IL1RAPL2: variants seen among roughly 807,000 people sequenced by gnomAD.
IL1RAPL2 encodes the protein X-linked interleukin-1 receptor accessory protein-like 2.
Under a neutral mutation model 44.1 loss-of-function variants are expected in IL1RAPL2, and 3 were observed. The observed-to-expected ratio is 0.07, with a 90% CI of 0.03 to 0.18. IL1RAPL2 has a LOEUF of 0.18. Ranked by LOEUF, IL1RAPL2 falls within the 10% of genes least tolerant of loss-of-function variation. The pLI is 1.00. For synonymous variants in IL1RAPL2, 181 were observed against 178.8 expected (o/e 1.01, Z -0.10); for missense variants, 391 against 496.4 (o/e 0.79, Z 2.02).
At chrX:105,014,582 G>T (rs546592743) in intron 2 of IL1RAPL2, among the ~76,000 whole-genome samples, 44 of 111,788 alleles carry the variant, frequency 3.9e-4, no homozygotes, top group African/African-American at 1.4e-3. Flanking sequence ...TTCTGTTCTT[G>T]TGTTAGTTTG....
chrX:104,782,589 G>C (rs1932780349), intron 2 of IL1RAPL2, among the ~76,000 whole-genome samples: 1 of 111,373 alleles, frequency 9.0e-6, no homozygotes, highest in Non-Finnish European at 1.9e-5. Flanking sequence ...TTATAATATT[G>C]ATAACCTGAA....
At chrX:104,574,000 TATAA>T (rs889015097) in intron 1 of IL1RAPL2, among the ~76,000 whole-genome samples, 23 of 111,698 alleles carry the variant, frequency 2.1e-4, no homozygotes, top group Non-Finnish European at 3.6e-4. Context: ...TAAAAAAAAC[TATAA>T]AGACACTCAA....
chrX:105,227,376 G>A (rs1328986065), intron 3 of IL1RAPL2, among the ~76,000 whole-genome samples: 1 of 111,184 alleles, frequency 9.0e-6, no homozygotes, highest in Non-Finnish European at 1.9e-5. Flanking sequence ...ATGAATGATG[G>A]CATTCTTTGT....
At chrX:104,752,242 T>C (rs765547392) in intron 2 of IL1RAPL2, among the ~76,000 whole-genome samples, 12 of 109,425 alleles carry the variant, frequency 1.1e-4, no homozygotes, top group Non-Finnish European at 2.1e-4. Flanking sequence ...CCATTTAAAA[T>C]AATGTTGTTT....
intron 5 of IL1RAPL2, among the ~76,000 whole-genome samples, chrX:105,339,156 C>A (rs892480015): frequency 6.3e-5 from 7 of 111,825 alleles, no homozygotes; most frequent in African/African-American, 2.3e-4. Flanking sequence ...GTACAGCAAA[C>A]TGACATGTGG....
intron 3 of IL1RAPL2, among the ~76,000 whole-genome samples, chrX:105,209,495 C>T (rs782052572): frequency 1.6e-4 from 18 of 111,243 alleles, no homozygotes; most frequent in Non-Finnish European, 3.0e-4. Context: ...AGGCATTGGT[C>T]CCCATGAAAT....
intron 5 of IL1RAPL2, among the ~76,000 whole-genome samples, chrX:105,358,533 T>C (rs980170517): frequency 2.8e-5 from 3 of 108,586 alleles, no homozygotes; most frequent in Admixed American, 2.0e-4. Context: ...AAAATTAGCT[T>C]GGCATTTTCC....
chrX:105,280,403 T>G lies in IL1RAPL2; in HGVS notation c.697+12862T>G, dbSNP rs760660840. ...TCATGTCTAAAACACCAAAAGCAATTGCAACAAAAGCCAAAATAGACAAAT... is the reference window on the plus strand; with the variant it reads ...TCATGTCTAAAACACCAAAAGCAATGGCAACAAAAGCCAAAATAGACAAAT... On this transcript the variant is annotated intron_variant, in intron 5 of 10. Transcript: ENST00000372582. 2.7e-5 allele frequency among the ~76,000 whole-genome samples: 3 copies of G among 110,893 alleles called. No individual in the cohort carries two copies. The East Asian group carries it at 8.6e-4, about 32-fold the overall frequency.
intron 6 of IL1RAPL2, among the ~76,000 whole-genome samples, chrX:105,614,539 G>A (rs1348222355): frequency 9.0e-6 from 1 of 111,129 alleles, no homozygotes; most frequent in East Asian, 2.9e-4. Flanking sequence ...CATCTACAGT[G>A]AACTCAATTT....
chrX:104,749,231 G>A (rs1190168574), intron 2 of IL1RAPL2, among the ~76,000 whole-genome samples: 1 of 110,889 alleles, frequency 9.0e-6, no homozygotes, highest in Non-Finnish European at 1.9e-5. Flanking sequence ...CAAAGACCAG[G>A]TCACCAGCAG....
At chrX:105,115,627 C>T (rs920346643) in intron 2 of IL1RAPL2, among the ~76,000 whole-genome samples, 2 of 112,683 alleles carry the variant, frequency 1.8e-5, no homozygotes, top group African/African-American at 6.5e-5. Flanking sequence ...ATTCACAATC[C>T]CTTAGCTAGA....
chrX:105,282,909 T>C (rs970522954), intron 5 of IL1RAPL2, among the ~76,000 whole-genome samples: 1 of 111,765 alleles, frequency 8.9e-6, no homozygotes, highest in Non-Finnish European at 1.9e-5. Flanking sequence ...TAAATCACAG[T>C]TTAATTACCC....
At chrX:105,764,260 G>A (rs1281750825) in intron 10 of IL1RAPL2, among the ~76,000 whole-genome samples, 2 of 111,415 alleles carry the variant, frequency 1.8e-5, no homozygotes, top group Non-Finnish European at 3.8e-5. Context: ...AAGTCTCTAA[G>A]AAGCCCCAAG....
At chrX:104,891,143 G>A (rs776948780) in intron 2 of IL1RAPL2, among the ~76,000 whole-genome samples, 27 of 111,115 alleles carry the variant, frequency 2.4e-4, no homozygotes, top group Non-Finnish European at 4.5e-4. Context: ...GCTCTGTTCT[G>A]TTCCACTTCT....
chrX:105,677,735 A>T (rs2037884797), intron 6 of IL1RAPL2, among the ~76,000 whole-genome samples: 1 of 110,950 alleles, frequency 9.0e-6, no homozygotes, highest in Admixed American at 9.7e-5. Flanking sequence ...TGTCAGTAGC[A>T]TTTCCCACCA....
chrX:105,731,194 A>G (rs1316463757), intron 7 of IL1RAPL2, among the ~76,000 whole-genome samples: 1 of 111,745 alleles, frequency 8.9e-6, no homozygotes, highest in Non-Finnish European at 1.9e-5. Context: ...AGGACACATT[A>G]CAACTGATAC....
chrX:104,828,946 C>T (rs1335391930), intron 2 of IL1RAPL2, among the ~76,000 whole-genome samples: 1 of 112,198 alleles, frequency 8.9e-6, no homozygotes, highest in Non-Finnish European at 1.9e-5. Flanking sequence ...GAACGGCCTA[C>T]TCAAGTCTCA....
rs376048840 is a variant in IL1RAPL2 at position 105,410,785 on chromosome X, C to G, written c.698-73528C>G. On this transcript the variant is annotated intron_variant, in intron 5 of 10. Coordinates refer to ENST00000372582, the MANE Select transcript of IL1RAPL2 (RefSeq NM_017416.2). ...AGAAATGCTTAAGGGATTCATACAT[C>G]TGGAAGTGAAAGGATGACATCTACC... is the stretch of plus-strand genomic sequence containing the variant. Among the ~76,000 whole-genome samples the G allele has an allele frequency of 4.2e-4, 47 of 111,835 alleles. No homozygotes were observed. In the East Asian group the frequency reaches 0.01, roughly 24 times the overall value.
At chrX:104,720,107 A>G (rs376050091) in intron 2 of IL1RAPL2, among the ~76,000 whole-genome samples, 4 of 111,961 alleles carry the variant, frequency 3.6e-5, no homozygotes, top group African/African-American at 1.3e-4. Flanking sequence ...ACAGTATTCT[A>G]TTTCTACATT....
Sources: allele counts gnomAD v4.1 joint callset (sites outside exome capture counted in the v4.1 genomes callset), GRCh38; gene constraint gnomAD v4.1.1; transcripts MANE v1.5; gene names NCBI Gene and HGNC (gene_info 2026-07-23, HGNC 2026-07-21).